Variants in MGAT4C observed in about 807,000 individuals in gnomAD.
MGAT4C encodes alpha-1,3-mannosyl-glycoprotein 4-beta-N-acetylglucosaminyltransferase C.
A neutral mutation model predicts 40.1 loss-of-function variants in MGAT4C; 19 were observed. The ratio of observed to expected loss-of-function variants is 0.47; its 90% CI spans 0.33 to 0.70. The LOEUF is 0.70. Ranked by LOEUF, MGAT4C falls within the 30% of genes least tolerant of loss-of-function variation. MGAT4C has a pLI of 0.02. For missense variants in MGAT4C, 491 were observed against 563.2 expected (o/e 0.87, Z 1.30); for synonymous variants, 181 against 187.1 (o/e 0.97, Z 0.27).
intron 3 of MGAT4C, among the ~76,000 whole-genome samples, chr12:86,345,544 C>A (rs959158217): frequency 6.6e-6 from 1 of 151,670 alleles, no homozygotes; most frequent in Non-Finnish European, 1.5e-5. Context: ...TTTGTCCTTG[C>A]AATAGTTTGC....
intron 1 of MGAT4C, among the ~76,000 whole-genome samples, chr12:86,242,632 C>G (rs1003324408): frequency 6.6e-6 from 1 of 151,944 alleles, no homozygotes; most frequent in African/African-American, 2.4e-5. Context: ...CGGGGAAGTA[C>G]TTTAGAGTAG....
intron 1 of MGAT4C, among the ~76,000 whole-genome samples, chr12:86,790,215 A>G (rs1465899289): frequency 6.6e-6 from 1 of 152,166 alleles, no homozygotes; most frequent in East Asian, 1.9e-4. Context: ...AGTCCTAACT[A>G]CTAGAATATA....
intron 2 of MGAT4C, among the ~76,000 whole-genome samples, chr12:86,699,593 CA>C (rs1459491425): frequency 6.6e-6 from 1 of 151,560 alleles, no homozygotes; most frequent in Non-Finnish European, 1.5e-5. Flanking sequence ...CCAGTGCAGC[CA>C]AAAAAACTGC....
At chr12:86,005,416 C>G (rs1476393353) in intron 2 of MGAT4C, among the ~76,000 whole-genome samples, 1 of 152,132 alleles carries the variant, frequency 6.6e-6, no homozygotes, top group African/African-American at 2.4e-5. Context: ...AAGGTTTTGA[C>G]TGCAATGTCA....
chr12:86,617,627 G>T (rs1962493499), intron 2 of MGAT4C, among the ~76,000 whole-genome samples: 1 of 151,882 alleles, frequency 6.6e-6, no homozygotes, highest in Non-Finnish European at 1.5e-5. Flanking sequence ...GGCGGAGCTT[G>T]CAGTGCGCGG....
intron 4 of MGAT4C, among the ~76,000 whole-genome samples, chr12:86,322,413 A>G (rs1954416074): frequency 6.6e-6 from 1 of 151,934 alleles, no homozygotes; most frequent in Non-Finnish European, 1.5e-5. Context: ...ATTCTAAACC[A>G]TTGGTTTAGC....
chr12:85,977,697 T>C lies in MGAT4C; in HGVS notation c.*1592A>G, dbSNP rs1592586835. ...TGTTGTTTGCACCACAGCATACCAG[T>C]AAATCTTAAGGATTGTGTTTCAGTA... On this transcript the variant is annotated 3_prime_UTR_variant, in exon 5 of 5. Transcript: ENST00000611864. 2 of 151,052 alleles carry C rather than the reference T, an allele frequency of 1.3e-5. No individual in the cohort carries two copies. Among genetic ancestry groups the C allele is most frequent in the South Asian group, 4.2e-4 (2 of 4,804 alleles). The allele number at this position is 151,052 out of a possible 1,614,324, so 9.4% of individuals were successfully genotyped here.
intron 2 of MGAT4C, chr12:86,016,003 T>C (rs530596032): frequency 6.6e-6 from 1 of 152,248 alleles, no homozygotes; most frequent in Admixed American, 6.5e-5. Context: ...GAATTATTCA[T>C]AATCTTCTAG....
intron 1 of MGAT4C, among the ~76,000 whole-genome samples, chr12:86,072,638 A>T (rs941811580): frequency 6.6e-6 from 1 of 152,118 alleles, no homozygotes; most frequent in African/African-American, 2.4e-5. Flanking sequence ...AGATGGATTG[A>T]TTAGATGAGT....
rs185448145 is a variant in MGAT4C at position 86,703,529 on chromosome 12, T to C, written c.-229+23680A>G. ...CACCAACAAAAAAAATTCAACTCACTGAAGGCCCAAATGATTGGTAGCATT... is the reference window on the plus strand; with the variant it reads ...CACCAACAAAAAAAATTCAACTCACCGAAGGCCCAAATGATTGGTAGCATT... On this transcript the variant is annotated intron_variant, in intron 2 of 7. Transcript: ENST00000548651. Among the ~76,000 whole-genome samples, 413 of 152,304 alleles carry C rather than the reference T, an allele frequency of 2.7e-3. 3 individuals carry two copies. The highest frequency in any genetic ancestry group is 9.7e-3 in the African/African-American group (404 of 41,576).
At chr12:86,072,376 C>T (rs1282488505) in intron 1 of MGAT4C, among the ~76,000 whole-genome samples, 1 of 151,408 alleles carries the variant, frequency 6.6e-6, no homozygotes, top group African/African-American at 2.4e-5. Flanking sequence ...CAGGTCAAAC[C>T]ATGCTTTTTT....
At chr12:86,110,267 A>ACT (rs1491313305) in intron 1 of MGAT4C, among the ~76,000 whole-genome samples, 1 of 26,070 alleles carries the variant, frequency 3.8e-5, no homozygotes, top group African/African-American at 2.6e-4. Flanking sequence ...ATATATATAG[A>ACT]CTATATATAT....
chr12:86,239,364 T>G (rs1951683688), intron 1 of MGAT4C, among the ~76,000 whole-genome samples: 1 of 152,090 alleles, frequency 6.6e-6, no homozygotes, highest in South Asian at 2.1e-4. Flanking sequence ...AGGTTTAAAT[T>G]AAATTTAAGA....
At chr12:86,080,144 C>T (rs116454442) in intron 1 of MGAT4C, among the ~76,000 whole-genome samples, 46 of 152,178 alleles carry the variant, frequency 3.0e-4, no homozygotes, top group African/African-American at 1.0e-3. Context: ...ATCTCATTTT[C>T]GCTTTTGTTT....
chr12:86,339,523 C>G (rs762323102), intron 3 of MGAT4C, among the ~76,000 whole-genome samples: 1 of 152,108 alleles, frequency 6.6e-6, no homozygotes, highest in Non-Finnish European at 1.5e-5. Context: ...CTTGATTATT[C>G]CAATCAAATT....
chr12:86,257,200 C>T (rs1952544807), upstream of MGAT4C, among the ~76,000 whole-genome samples: 1 of 152,310 alleles, frequency 6.6e-6, no homozygotes, highest in Admixed American at 6.5e-5. Context: ...CTCTTACCTT[C>T]TATCTTGACA....
At chr12:86,383,699 T>A (rs997435082) in intron 3 of MGAT4C, among the ~76,000 whole-genome samples, 6 of 152,144 alleles carry the variant, frequency 3.9e-5, no homozygotes, top group African/African-American at 1.4e-4. Flanking sequence ...CCTCATTGTA[T>A]CCAGAAAGTA....
chr12:86,148,922 C>T (rs1193042734), intron 1 of MGAT4C, among the ~76,000 whole-genome samples: 1 of 152,106 alleles, frequency 6.6e-6, no homozygotes. Flanking sequence ...TTATATCTCT[C>T]CTCAAGCACT....
intron 1 of MGAT4C, among the ~76,000 whole-genome samples, chr12:86,242,267 C>T (rs572821375): frequency 1.8e-4 from 27 of 152,126 alleles, no homozygotes; most frequent in Admixed American, 4.6e-4. Flanking sequence ...TACAAAAAAT[C>T]TCCATTTGCA....
Sources: gnomAD v4.1 joint callset for allele counts (sites outside exome capture counted in the v4.1 genomes callset) on GRCh38, gnomAD v4.1.1 for gene constraint, MANE v1.5 for transcripts, NCBI Gene and HGNC (gene_info 2026-07-23, HGNC 2026-07-21) for gene names.